C9orf153: variants seen among roughly 807,000 people sequenced by gnomAD.
The protein encoded by C9orf153 is chromosome 9 open reading frame 153.
In C9orf153, 10 loss-of-function variants were observed where a neutral mutation model predicts 9.0. The observed-to-expected ratio is 1.11, with a 90% CI of 0.69 to 1.89. C9orf153 has a LOEUF of 1.89. C9orf153 is among the 40% of genes most tolerant of loss of function. C9orf153 has a pLI of 0.00. For synonymous variants in C9orf153, 35 were observed against 37.3 expected, an observed-to-expected ratio of 0.94 and a Z score of 0.23; for missense variants, 108 against 111.0, an observed-to-expected ratio of 0.97 and a Z score of 0.12.
At chr9:86,246,120 A>C (rs978924148) in intron 1 of C9orf153, among the ~76,000 whole-genome samples, 6 of 152,222 alleles carry the variant, frequency 3.9e-5, no homozygotes, top group Non-Finnish European at 7.3e-5. Flanking sequence ...CTACAAAAGC[A>C]AACATGATGG....
At chr9:86,253,834 G>A (rs2131208220) in intron 1 of C9orf153, among the ~76,000 whole-genome samples, 1 of 152,302 alleles carries the variant, frequency 6.6e-6, no homozygotes, top group South Asian at 2.1e-4. Flanking sequence ...GCTCATGCCT[G>A]TAATCCCAGC....
chr9:86,230,579 G>T (rs982452772), intron 1 of C9orf153, among the ~76,000 whole-genome samples: 5 of 152,338 alleles, frequency 3.3e-5, no homozygotes, highest in Admixed American at 3.3e-4. Context: ...GGGATTACAG[G>T]TGTGGGCCAC....
intron 1 of C9orf153, among the ~76,000 whole-genome samples, chr9:86,232,183 A>G (rs1002656716): frequency 6.6e-6 from 1 of 152,230 alleles, no homozygotes; most frequent in African/African-American, 2.4e-5. Flanking sequence ...ATGGAGCACA[A>G]ATAAGTTTAG....
chr9:86,241,540 A>G (rs557378353), intron 1 of C9orf153, among the ~76,000 whole-genome samples: 3 of 152,222 alleles, frequency 2.0e-5, no homozygotes, highest in Non-Finnish European at 4.4e-5. Flanking sequence ...GACGTCAAGC[A>G]AGGAGACTTG....
chr9:86,229,618 A>T lies in C9orf153; in HGVS notation c.-15T>A. 6.3e-7 allele frequency: 1 copy of T among 1,596,446 alleles called. No individual in the cohort carries two copies. Among genetic ancestry groups the T allele is most frequent in the Non-Finnish European group, 8.6e-7 (1 of 1,166,820 alleles). On this transcript the variant is annotated 5_prime_UTR_variant, in exon 2 of 4. Coordinates refer to ENST00000339137, the MANE Select transcript of C9orf153 (RefSeq NM_001276366.4). The stretch of plus-strand genomic sequence containing the variant: ...GTGAGGAACATCGTGCTGGGATTTT[A>T]TTCTCTAATTCCTAAAAAAAGCAAT...
intron 3 of C9orf153, chr9:86,227,539 A>G (rs1236259890): frequency 7.3e-7 from 1 of 1,363,142 alleles, no homozygotes; most frequent in Non-Finnish European, 9.4e-7. Flanking sequence ...ATCTGTTTAA[A>G]TTACCTGGGT....
chr9:86,241,423 G>T (rs965960063), intron 1 of C9orf153, among the ~76,000 whole-genome samples: 1 of 152,176 alleles, frequency 6.6e-6, no homozygotes, highest in African/African-American at 2.4e-5. Flanking sequence ...AGCTTTGGTT[G>T]TGGGAGGGAG....
intron 3 of C9orf153, among the ~76,000 whole-genome samples, chr9:86,222,821 C>G (rs1824236583): frequency 6.6e-6 from 1 of 152,148 alleles, no homozygotes; most frequent in African/African-American, 2.4e-5. Flanking sequence ...TGGTCTATTT[C>G]TGGTGGGTGA....
intron 1 of C9orf153, among the ~76,000 whole-genome samples, chr9:86,247,328 C>T (rs575829379): frequency 1.3e-5 from 2 of 152,202 alleles, no homozygotes; most frequent in South Asian, 4.1e-4. Flanking sequence ...TTTTCTTGTG[C>T]ACATTCCTCT....
intron 3 of C9orf153, among the ~76,000 whole-genome samples, chr9:86,225,432 TC>T (rs1281720074): frequency 3.6e-5 from 5 of 138,956 alleles, no homozygotes; most frequent in African/African-American, 1.6e-4. Context: ...CTTCCTTCCT[TC>T]CTTCCTTCCT....
rs773625714 is a variant in C9orf153 at position 86,229,620 on chromosome 9, T to C, written c.-17A>G. 6.3e-7 allele frequency: 1 copy of C among 1,596,662 alleles called. No individual in the cohort carries two copies. Among genetic ancestry groups the C allele is most frequent in the South Asian group, 1.1e-5 (1 of 89,566 alleles). On this transcript the variant is annotated 5_prime_UTR_variant, in exon 2 of 4. Transcript: ENST00000339137. ...GAGGAACATCGTGCTGGGATTTTAT[T>C]CTCTAATTCCTAAAAAAAGCAATAT...
At chr9:86,253,184 T>C (rs1294839852) in intron 1 of C9orf153, among the ~76,000 whole-genome samples, 1 of 152,212 alleles carries the variant, frequency 6.6e-6, no homozygotes, top group Non-Finnish European at 1.5e-5. Context: ...TTGAATACAC[T>C]GGTTATTTTA....
intron 1 of C9orf153, among the ~76,000 whole-genome samples, chr9:86,248,336 G>A (rs1201973591): frequency 2.0e-5 from 3 of 152,112 alleles, no homozygotes; most frequent in Non-Finnish European, 4.4e-5. Context: ...GTTTCGTCAT[G>A]TTGGCCAGGC....
intron 1 of C9orf153, among the ~76,000 whole-genome samples, chr9:86,240,763 C>T (rs1824722039): frequency 7.6e-6 from 1 of 132,016 alleles, no homozygotes; most frequent in Admixed American, 9.3e-5. Context: ...GGCTAAAGTG[C>T]AGTGGTATGA....
chr9:86,255,697 A>C (rs11141318), intron 1 of C9orf153, among the ~76,000 whole-genome samples: 67,899 of 152,046 alleles, frequency 0.45, 15,342 homozygotes, highest in Middle Eastern at 0.59. Flanking sequence ...AGCTTCTGTA[A>C]CCCACTGGGC....
chr9:86,248,736 C>T lies in C9orf153; in HGVS notation c.-27+10814G>A, dbSNP rs1001195646. Among the ~76,000 whole-genome samples, 7 of 152,196 alleles carry T rather than the reference C, an allele frequency of 4.6e-5. No individual in the cohort carries two copies. In the East Asian group the frequency reaches 9.7e-4, roughly 21 times the overall value. On this transcript the variant is annotated intron_variant, in intron 1 of 3. Transcript: ENST00000339137. The stretch of plus-strand genomic sequence containing the variant: ...TTAGTTTCTCTGTAGAAAAAAAAAC[C>T]TTTAGATTTCCACCAGGTGGAAGCA...
At chr9:86,225,426 CTT>C in intron 3 of C9orf153, among the ~76,000 whole-genome samples, 1 of 136,488 alleles carries the variant, frequency 7.3e-6, no homozygotes, top group Non-Finnish European at 1.5e-5. Flanking sequence ...TCCTTCCTTC[CTT>C]CCTTCCTTCC....
intron 1 of C9orf153, among the ~76,000 whole-genome samples, chr9:86,255,076 AGAG>A (rs1370023170): frequency 1.3e-4 from 18 of 142,874 alleles, no homozygotes; most frequent in Non-Finnish European, 2.4e-4. Flanking sequence ...AAAAAAAAAA[AGAG>A]AGAGAAAAAG....
intron 2 of C9orf153, 69 bp from the exon 3 acceptor site, chr9:86,228,099 A>AC (rs753554704): frequency 1.7e-6 from 2 of 1,160,040 alleles, no homozygotes; most frequent in Non-Finnish European, 2.4e-6. Context: ...AGACCTACAA[A>AC]CCCTAGAAAA....
Sources: gnomAD v4.1 joint callset for allele counts (sites outside exome capture counted in the v4.1 genomes callset) on GRCh38, gnomAD v4.1.1 for gene constraint, MANE v1.5 for transcripts, NCBI Gene and HGNC (gene_info 2026-07-23, HGNC 2026-07-21) for gene names.